Variants in C6orf120 observed in about 807,000 individuals in gnomAD.
The protein encoded by C6orf120 is UPF0669 protein C6orf120.
For synonymous variants in C6orf120, 165 were observed against 123.1 expected (o/e 1.34, Z -2.25); for missense variants, 311 against 264.2 (o/e 1.18, Z -1.23).
At chr6:169,704,425 CTT>C (rs1361299326) in exon 1 of C6orf120, 1 of 254,608 alleles carries the variant, frequency 3.9e-6, no homozygotes, top group Non-Finnish European at 7.9e-6. Context: ...TTTTTTAAGA[CTT>C]TTTCTCTCCT....
chr6:169,703,008 G>C, exon 1 of C6orf120: 1 of 1,564,932 alleles, frequency 6.4e-7, no homozygotes, highest in East Asian at 2.4e-5. Flanking sequence ...TTAGCATTTT[G>C]AAACTGGTAC....
chr6:169,705,479 G>C (rs1384332417), downstream of C6orf120: 4 of 710,154 alleles, frequency 5.6e-6, no homozygotes, highest in Non-Finnish European at 9.9e-6. Context: ...CACATGGGCT[G>C]TGTCTATGCC....
At chr6:169,705,606 C>G, downstream of C6orf120, 1 of 1,260,754 alleles carries the variant, frequency 7.9e-7, no homozygotes, top group Non-Finnish European at 1.2e-6. Context: ...AAAGACATTT[C>G]AATACTTACC....
rs200215521 is a variant in C6orf120, at chr6:169,702,558, G to A, written c.99G>A (p.Glu33=). The change falls in exon 1 of 1, where the codon GAG becomes GAA. Residue 33 remains glutamate, a synonymous_variant. Transcript: ENST00000332290. ...CTCCGGGAAGCTGCGCGGACGAGGA[G>A]GAGGTCCCCGAGGAGTGGGTGCTCC... The A allele has an allele frequency of 2.6e-5, 42 of 1,612,872 alleles. 1 individual carries two copies. The African/African-American group carries it at 5.1e-4, about 19-fold the overall frequency.
chr6:169,702,522 G>T (rs761315770), exon 1 of C6orf120: 4 of 1,609,670 alleles, frequency 2.5e-6, no homozygotes, highest in Non-Finnish European at 3.4e-6. Flanking sequence ...TCCTAGCCTC[G>T]CAGGTCCTGT....
downstream of C6orf120, chr6:169,705,159 C>CA: frequency 6.2e-7 from 1 of 1,610,172 alleles, no homozygotes; most frequent in East Asian, 2.2e-5. Context: ...AAGGCCCACA[C>CA]AAAAAGTATG....
chr6:169,703,877 GAAAT>G, exon 1 of C6orf120: 1 of 693,318 alleles, frequency 1.4e-6, no homozygotes, highest in Non-Finnish European at 2.4e-6. Flanking sequence ...GCTTTTAACA[GAAAT>G]AACTGCAGAT....
exon 1 of C6orf120, chr6:169,702,908 C>A: frequency 6.2e-7 from 1 of 1,612,620 alleles, no homozygotes. Flanking sequence ...GCCGCCTACC[C>A]CGCCGACGGC....
In C6orf120 at chr6:169,702,576, G is replaced by A. The variant is rs551668624; in HGVS notation, c.117G>A (p.Trp39Ter). 1 of 1,613,136 alleles carries A rather than the reference G, an allele frequency of 6.2e-7. No homozygotes were observed. The highest frequency in any genetic ancestry group is 8.5e-7 in the Non-Finnish European group (1 of 1,179,914). The change falls in exon 1 of 1, where the codon TGG becomes TGA. Residue 39 changes from tryptophan (W) to a stop codon, truncating the protein, a stop_gained. Coordinates refer to ENST00000332290, the Ensembl canonical transcript of C6orf120. LOFTEE classifies it low-confidence loss of function (END_TRUNC). ...ACGAGGAGGAGGTCCCCGAGGAGTG[G>A]GTGCTCCTGCACGTCGTCCAGGGCC...
At chr6:169,704,264 A>C (rs1419974378) in exon 1 of C6orf120, 2 of 531,136 alleles carry the variant, frequency 3.8e-6, no homozygotes, top group Non-Finnish European at 6.6e-6. Context: ...TAATCAATGT[A>C]ATCAATGCCA....
At chr6:169,703,748 C>CA in exon 1 of C6orf120, 1 of 462,880 alleles carries the variant, frequency 2.2e-6, no homozygotes, top group African/African-American at 2.1e-5. Flanking sequence ...TATGGAGAAA[C>CA]AGTTAAGTAT....
chr6:169,702,769 G>C (rs923719870), exon 1 of C6orf120: 2 of 1,613,094 alleles, frequency 1.2e-6, no homozygotes, highest in African/African-American at 2.7e-5. Flanking sequence ...CCCGGACGCC[G>C]TGTCCATCCC....
At chr6:169,705,598 A>T (rs1788754729), downstream of C6orf120, 2 of 1,200,186 alleles carry the variant, frequency 1.7e-6, no homozygotes, top group Admixed American at 3.4e-5. Context: ...AATTTTAAAA[A>T]GACATTTCAA....
chr6:169,703,389 T>G (rs941563740), exon 1 of C6orf120: 1 of 268,786 alleles, frequency 3.7e-6, no homozygotes, highest in South Asian at 6.1e-5. Flanking sequence ...AATTTTACTC[T>G]GGAGATTCTA....
chr6:169,704,544 T>C (rs1037589515), exon 1 of C6orf120: 3 of 172,886 alleles, frequency 1.7e-5, no homozygotes, highest in African/African-American at 7.2e-5. Flanking sequence ...TACTACATAC[T>C]TGATCTGAAT....
exon 1 of C6orf120, chr6:169,703,533 ATTTCCTGGCAGGCAGGTATTT>A (rs1438017807): frequency 1.0e-5 from 2 of 197,610 alleles, no homozygotes; most frequent in Admixed American, 1.1e-4. Context: ...TACAAAAAGG[ATTTCCTGGCAGGCAGGTATTT>A]ACAAAGTTTG....
chr6:169,703,642 A>G (rs1788601571), exon 1 of C6orf120: 1 of 243,302 alleles, frequency 4.1e-6, no homozygotes, highest in Non-Finnish European at 8.3e-6. Context: ...ATACCTATGA[A>G]AATTCTTCAG....
At chr6:169,702,761 C>T (rs757664722) in exon 1 of C6orf120, 7 of 1,613,190 alleles carry the variant, frequency 4.3e-6, no homozygotes, top group Middle Eastern at 3.3e-4. Context: ...ACCTGCGGCC[C>T]GGACGCCGTG....
chr6:169,703,870 T>C (rs1318052480), exon 1 of C6orf120: 4 of 673,392 alleles, frequency 5.9e-6, no homozygotes, highest in Non-Finnish European at 1.0e-5. Context: ...AAGCGTAGCT[T>C]TTAACAGAAA....
Sources: allele counts gnomAD v4.1 joint callset, GRCh38; gene constraint gnomAD v4.1.1; transcripts MANE v1.5; gene names NCBI Gene and HGNC (gene_info 2026-07-23, HGNC 2026-07-21).